The following MAST4 variants were observed in gnomAD, a reference collection of about 807,000 sequenced individuals.
MAST4 encodes microtubule-associated serine/threonine-protein kinase 4.
Under a neutral mutation model 162.7 loss-of-function variants are expected in MAST4, and 89 were observed. The observed-to-expected ratio is 0.55, with a 90% CI of 0.46 to 0.65. MAST4 has a LOEUF of 0.65. Ranked by LOEUF, MAST4 falls within the 30% of genes least tolerant of loss-of-function variation. The pLI, the probability that MAST4 is intolerant of heterozygous loss-of-function variation, is 0.00. For missense variants in MAST4, 3,153 were observed against 3,374.0 expected (o/e 0.93, Z 1.62); for synonymous variants, 1,479 against 1,361.1 (o/e 1.09, Z -1.91).
intron 3 of MAST4, among the ~76,000 whole-genome samples, chr5:66,806,177 G>A (rs1756176897): frequency 6.6e-6 from 1 of 152,150 alleles, no homozygotes; most frequent in Non-Finnish European, 1.5e-5. Flanking sequence ...TGCTCAAAGG[G>A]AGATGGGTGC....
intron 1 of MAST4, among the ~76,000 whole-genome samples, chr5:66,614,173 C>T (rs79566264): frequency 5.3e-5 from 8 of 152,236 alleles, no homozygotes; most frequent in East Asian, 1.9e-4. Flanking sequence ...TTCCCTGGCC[C>T]GGAACATCTT....
intron 4 of MAST4, among the ~76,000 whole-genome samples, chr5:66,935,654 TTTTCTTTC>T (rs550841451): frequency 6.6e-6 from 1 of 151,038 alleles, no homozygotes; most frequent in East Asian, 1.9e-4. Flanking sequence ...CCATAGACTT[TTTTCTTTC>T]TTTCTTTCTT....
intron 14 of MAST4, among the ~76,000 whole-genome samples, chr5:67,129,917 A>G (rs1462731679): frequency 6.6e-6 from 1 of 152,172 alleles, no homozygotes; most frequent in Non-Finnish European, 1.5e-5. Flanking sequence ...TCAGCTAGCT[A>G]TTAGGAAATA....
At chr5:66,779,176 G>A (rs942523679) in intron 2 of MAST4, among the ~76,000 whole-genome samples, 4 of 152,202 alleles carry the variant, frequency 2.6e-5, no homozygotes, top group African/African-American at 4.8e-5. Context: ...ACATAGTTTA[G>A]CAAATAAATT....
intron 22 of MAST4, 32 bp from the exon 23 acceptor site, chr5:67,145,112 T>G: frequency 6.6e-7 from 1 of 1,509,436 alleles, no homozygotes; most frequent in Middle Eastern, 1.7e-4. Context: ...TTCTAGTATG[T>G]ATATATGACT....
chr5:67,084,938 T>C (rs1166465579), intron 5 of MAST4, among the ~76,000 whole-genome samples: 2 of 152,232 alleles, frequency 1.3e-5, no homozygotes, highest in African/African-American at 2.4e-5. Flanking sequence ...AATGTTTAGG[T>C]AGTCTAAATG....
At position 66,764,170 on chromosome 5, in the gene MAST4, C is replaced by T. The variant is rs565353499; in HGVS notation, c.517+4308C>T. ...TGGCTATAGGTTAGTTGGGGTTTGG[C>T]TGTAGGTCACTCTGGGCCCTACTGG... is the stretch of plus-strand genomic sequence containing the variant. On this transcript the variant is annotated intron_variant, in intron 2 of 28. Transcript: ENST00000403625. 6.6e-5 allele frequency among the ~76,000 whole-genome samples: 10 copies of T among 152,268 alleles called. No individual in the cohort carries two copies. The South Asian group carries it at 2.1e-3, about 32-fold the overall frequency.
intron 1 of MAST4, among the ~76,000 whole-genome samples, chr5:66,648,379 T>G (rs536797276): frequency 2.0e-5 from 3 of 152,234 alleles, no homozygotes; most frequent in African/African-American, 7.2e-5. Context: ...AGAGTGAAGT[T>G]CGACAGAAGC....
At chr5:66,627,613 CT>C (rs1580034271) in intron 1 of MAST4, among the ~76,000 whole-genome samples, 1 of 152,146 alleles carries the variant, frequency 6.6e-6, no homozygotes, top group Non-Finnish European at 1.5e-5. Flanking sequence ...ATTTGGGCAT[CT>C]GTGACCTGCA....
intron 4 of MAST4, among the ~76,000 whole-genome samples, chr5:66,981,959 T>G (rs148319781): frequency 0.011 from 1,628 of 152,340 alleles, 14 homozygotes; most frequent in Non-Finnish European, 0.018. Context: ...TTGAACTTTA[T>G]CCCATGATTT....
At chr5:67,065,075 G>A (rs925215151) in intron 5 of MAST4, among the ~76,000 whole-genome samples, 26 of 152,032 alleles carry the variant, frequency 1.7e-4, no homozygotes, top group Non-Finnish European at 5.9e-5. Flanking sequence ...CAATGTATTA[G>A]TATATATATG....
chr5:66,717,120 C>G (rs1004677194), intron 1 of MAST4, among the ~76,000 whole-genome samples: 4 of 152,132 alleles, frequency 2.6e-5, no homozygotes, highest in Middle Eastern at 3.2e-3. Flanking sequence ...GCCTGGACTT[C>G]AGGCTAAGCA....
intron 1 of MAST4, among the ~76,000 whole-genome samples, chr5:66,603,634 ACTC>A (rs1415457630): frequency 1.3e-5 from 2 of 151,874 alleles, no homozygotes; most frequent in African/African-American, 4.8e-5. Flanking sequence ...AAATACAAGA[ACTC>A]CTGTATGCAG....
chr5:66,628,201 ATTG>A, intron 1 of MAST4, among the ~76,000 whole-genome samples: 1 of 151,856 alleles, frequency 6.6e-6, no homozygotes, highest in South Asian at 2.1e-4. Flanking sequence ...CTGGCTAAAT[ATTG>A]TTTATTTTTT....
chr5:66,647,199 T>G (rs1293229989), intron 1 of MAST4, among the ~76,000 whole-genome samples: 1 of 152,156 alleles, frequency 6.6e-6, no homozygotes, highest in African/African-American at 2.4e-5. Flanking sequence ...TTTCTAAAGT[T>G]TGGCTCCAGG....
chr5:66,972,020 A>G (rs1747502356), intron 4 of MAST4, among the ~76,000 whole-genome samples: 1 of 152,102 alleles, frequency 6.6e-6, no homozygotes, highest in African/African-American at 2.4e-5. Context: ...AAAAAAAGTC[A>G]TTTCTCCAGC....
At chr5:66,754,060 A>G (rs1580371373) in intron 1 of MAST4, among the ~76,000 whole-genome samples, 1 of 152,074 alleles carries the variant, frequency 6.6e-6, no homozygotes, top group African/African-American at 2.4e-5. Context: ...CCACATGATT[A>G]TATCAATAGA....
At chr5:66,908,279 A>C (rs1580838147) in intron 4 of MAST4, among the ~76,000 whole-genome samples, 1 of 152,170 alleles carries the variant, frequency 6.6e-6, no homozygotes, top group Non-Finnish European at 1.5e-5. Context: ...TATAGAAACA[A>C]TGTAGGATTG....
chr5:67,104,687 A>G (rs1359835884), intron 10 of MAST4, 112 bp downstream of exon 10: 53 of 724,502 alleles, frequency 7.3e-5, no homozygotes, highest in Non-Finnish European at 1.2e-4. Flanking sequence ...CCAGAGAAGC[A>G]AAAAAGAAGG....
Sources: allele counts gnomAD v4.1 joint callset (sites outside exome capture counted in the v4.1 genomes callset), GRCh38; gene constraint gnomAD v4.1.1; transcripts MANE v1.5; gene names NCBI Gene and HGNC (gene_info 2026-07-23, HGNC 2026-07-21).